The following ABCA3 variants were observed in gnomAD, a reference collection of about 807,000 sequenced individuals.
ABCA3 encodes the protein ATP binding cassette subfamily A member 3, also known as phospholipid-transporting ATPase ABCA3.
In ABCA3, 88 loss-of-function variants were observed where a neutral mutation model predicts 172.8. That is an observed-to-expected ratio of 0.51 (90% confidence interval 0.43 to 0.61). ABCA3 has a LOEUF of 0.61. Among genes scored for constraint, ABCA3 ranks in the 20% least tolerant of loss-of-function variants. ABCA3 has a pLI of 0.00. For synonymous variants in ABCA3, 1,066 were observed against 983.8 expected (o/e 1.08, Z -1.56); for missense variants, 2,164 against 2,301.0 (o/e 0.94, Z 1.22).
intron 11 of ABCA3, 71 bp from the exon 12 acceptor site, chr16:2,304,221 T>C: frequency 1.3e-6 from 2 of 1,544,096 alleles, no homozygotes; most frequent in Admixed American, 3.3e-5. Context: ...AAGCCCCTGA[T>C]GGCACACGTG....
At chr16:2,276,836 G>C in intron 32 of ABCA3, 31 bp from the exon 33 acceptor site, 1 of 1,612,964 alleles carries the variant, frequency 6.2e-7, no homozygotes. Context: ...ACTGGTAGGA[G>C]AGAACAGGGC....
chr16:2,293,468 C>G (rs914986879), intron 18 of ABCA3, among the ~76,000 whole-genome samples: 102 of 147,134 alleles, frequency 6.9e-4, no homozygotes, highest in Admixed American at 1.2e-3. Context: ...ACCTCCCGGG[C>G]TCAAGCAATC....
intron 11 of ABCA3, among the ~76,000 whole-genome samples, chr16:2,305,264 G>C (rs2093695806): frequency 6.6e-6 from 1 of 152,118 alleles, no homozygotes; most frequent in Admixed American, 6.6e-5. Flanking sequence ...CTTCGGAGTA[G>C]CTGGGATTAC....
At chr16:2,302,215 C>T (rs1475631210) in intron 12 of ABCA3, among the ~76,000 whole-genome samples, 2 of 152,218 alleles carry the variant, frequency 1.3e-5, no homozygotes, top group Non-Finnish European at 2.9e-5. Context: ...TGATTTCCCA[C>T]TTCGCACCTC....
intron 18 of ABCA3, among the ~76,000 whole-genome samples, chr16:2,293,367 CTTTTTTTTT>C (rs71148126): frequency 9.7e-6 from 1 of 103,428 alleles, no homozygotes; most frequent in Non-Finnish European, 1.9e-5. Flanking sequence ...GCCAAAATGC[CTTTTTTTTT>C]TTTTTTTTTT....
Position 2,286,458 on chromosome 16 carries a change from G to A in ABCA3, c.3278+236C>T, listed in dbSNP as rs1456384004. ...GGAGGAGAAGGCAGGGCTGCCTGCCGAGCCTTCATGGGTCCCCGTGAGGAC... is the reference window on the plus strand; with the variant it reads ...GGAGGAGAAGGCAGGGCTGCCTGCCAAGCCTTCATGGGTCCCCGTGAGGAC... On this transcript the variant is annotated intron_variant, in intron 22 of 32. Transcript: ENST00000301732. The surrounding 1 kb of genome is among the most constrained non-coding windows in gnomAD (Gnocchi z 5.2). Among the ~76,000 whole-genome samples the A allele has an allele frequency of 5.9e-5, 9 of 152,186 alleles. No individual in the cohort carries two copies. The highest frequency in any genetic ancestry group is 1.4e-4 in the African/African-American group (6 of 41,432).
intron 1 of ABCA3, chr16:2,332,794 T>A: frequency 1.5e-6 from 1 of 683,394 alleles, no homozygotes; most frequent in South Asian, 1.8e-5. Context: ...GGCTTGAATT[T>A]GCCACCCAAT....
Position 2,284,211 on chromosome 16 carries a change from G to A in ABCA3, c.3862+68C>T. 1 of 1,544,756 alleles carries A rather than the reference G, an allele frequency of 6.5e-7. No homozygotes were observed. The highest frequency in any genetic ancestry group is 8.8e-7 in the Non-Finnish European group (1 of 1,140,900). ...CGCAGAGGAGCCCCTGCCCTAGGAGGCCCCTCTGCAGTGACCACGTCCTGA... is the reference window on the plus strand; with the variant it reads ...CGCAGAGGAGCCCCTGCCCTAGGAGACCCCTCTGCAGTGACCACGTCCTGA... On this transcript the variant is annotated intron_variant, in intron 25 of 32. Transcript: ENST00000301732. This position sits in a 1 kb window ranked among gnomAD's most constrained non-coding sequence, Gnocchi z 5.9.
intron 1 of ABCA3, among the ~76,000 whole-genome samples, chr16:2,337,290 T>C (rs1567358921): frequency 6.6e-6 from 1 of 152,072 alleles, no homozygotes; most frequent in Admixed American, 6.6e-5. Context: ...TAATTGTAAT[T>C]TATAACACAT....
At position 2,295,860 on chromosome 16, in the gene ABCA3, G is replaced by A; in HGVS notation, c.2264-120C>T. Reference sequence around the variant, plus strand: ...GTGGGAAGGAGGCTAGAGAACCGGAGGTGGGCAGCTGAAGCAGAATGAATG... The same window carrying A: ...GTGGGAAGGAGGCTAGAGAACCGGAAGTGGGCAGCTGAAGCAGAATGAATG... On this transcript the variant is annotated intron_variant, in intron 17 of 32. Coordinates refer to ENST00000301732, the MANE Select transcript of ABCA3 (RefSeq NM_001089.3). The A allele has an allele frequency of 5.1e-6, 7 of 1,369,062 alleles. 1 individual carries two copies. Among genetic ancestry groups the A allele is most frequent in the Non-Finnish European group, 7.1e-6 (7 of 979,700 alleles). 84.8% of individuals were successfully genotyped at this position (1,369,062 alleles called of 1,614,324 possible). A position where few individuals can be genotyped will look rare whatever the true frequency, so the allele number is the denominator to read the frequency against.
In ABCA3 at chr16:2,281,337, T is replaced by C. The variant is rs1033438639; in HGVS notation, c.4164+44A>G. 3 of 1,613,206 alleles carry C rather than the reference T, an allele frequency of 1.9e-6. No homozygotes were observed. The South Asian group carries it at 3.3e-5, about 18-fold the overall frequency. The stretch of plus-strand genomic sequence containing the variant: ...GGGTCGGACCCTGGGGACAGCCAGG[T>C]AGTCAGCTGGCAGGAAGGACTCCAC... On this transcript the variant is annotated intron_variant, in intron 27 of 32. Transcript: ENST00000301732. This position sits in a 1 kb window ranked among gnomAD's most constrained non-coding sequence, Gnocchi z 4.7.
rs991813281 is a variant in ABCA3 at position 2,284,108 on chromosome 16, C to T, written c.3862+171G>A. ...GGAGCTCAGGTACAGGGCCTGGGAG[C>T]GAGCGGGCGCGAGGGGGCTGCTGTG... is the stretch of plus-strand genomic sequence containing the variant. On this transcript the variant is annotated intron_variant, in intron 25 of 32. Transcript: ENST00000301732. This position sits in a 1 kb window ranked among gnomAD's most constrained non-coding sequence, Gnocchi z 5.9. 4.0e-4 allele frequency: 300 copies of T among 754,446 alleles called. No individual in the cohort carries two copies. Among genetic ancestry groups the T allele is most frequent in the Non-Finnish European group, 5.1e-4 (248 of 483,068 alleles). 46.7% of individuals were successfully genotyped at this position (754,446 alleles called of 1,614,324 possible).
chr16:2,336,222 G>A (rs1218125484), intron 1 of ABCA3, among the ~76,000 whole-genome samples: 1 of 152,012 alleles, frequency 6.6e-6, no homozygotes, highest in Admixed American at 6.6e-5. Flanking sequence ...ATTTACACCC[G>A]CACACCAAAA....
At chr16:2,314,065 CG>C (rs1263197420) in intron 10 of ABCA3, among the ~76,000 whole-genome samples, 1 of 152,174 alleles carries the variant, frequency 6.6e-6, no homozygotes, top group East Asian at 1.9e-4. Flanking sequence ...GCAGACACTG[CG>C]GGAAAGACAG....
chr16:2,299,626 G>A (rs2093685801), intron 13 of ABCA3, 94 bp from the exon 14 acceptor site: 1 of 1,581,498 alleles, frequency 6.3e-7, no homozygotes, highest in Non-Finnish European at 8.6e-7. Context: ...GTCTCAGAAG[G>A]AACCAAGCCT....
At position 2,284,169 on chromosome 16, in the gene ABCA3, G is replaced by T; in HGVS notation, c.3862+110C>A. 7.3e-7 allele frequency: 1 copy of T among 1,375,410 alleles called. No homozygotes were observed. 85.2% of individuals were successfully genotyped at this position (1,375,410 alleles called of 1,614,324 possible). A position where few individuals can be genotyped will look rare whatever the true frequency, so the allele number is the denominator to read the frequency against. Reference sequence around the variant, plus strand: ...CAAGGCGGTACAGAGGAACGCACCAGCCCCAGGCCACTCAGACGCAGAGGA... The same window carrying T: ...CAAGGCGGTACAGAGGAACGCACCATCCCCAGGCCACTCAGACGCAGAGGA... On this transcript the variant is annotated intron_variant, in intron 25 of 32. Coordinates refer to ENST00000301732, the MANE Select transcript of ABCA3 (RefSeq NM_001089.3). This position sits in a 1 kb window ranked among gnomAD's most constrained non-coding sequence, Gnocchi z 5.9.
intron 6 of ABCA3, among the ~76,000 whole-genome samples, chr16:2,324,095 T>C (rs978204852): frequency 6.6e-6 from 1 of 152,208 alleles, no homozygotes; most frequent in Non-Finnish European, 1.5e-5. Context: ...TCCTTAACTA[T>C]CTTATTAGAC....
chr16:2,295,627 C>G lies in ABCA3; in HGVS notation c.2377G>C (p.Glu793Gln), dbSNP rs760598605. Residue 793 changes from glutamate (E) to glutamine (Q), a missense_variant, in exon 18 of 33, where the codon GAG (glutamate) becomes CAG (glutamine). By Grantham distance (29) the Glu-to-Gln change is conservative (BLOSUM62 2). Coordinates refer to ENST00000301732, the MANE Select transcript of ABCA3 (RefSeq NM_001089.3). ...TCTCTGGGAAGGATGAAAGACAGCTCGGCCCCAGCGCTGCTCTCCAGCGTG... is the reference window on the plus strand; with the variant it reads ...TCTCTGGGAAGGATGAAAGACAGCTGGGCCCCAGCGCTGCTCTCCAGCGTG... ...NATLESSAGA[E>Q]LSFILPREST... is the part of the protein sequence containing the mutation. The G allele has an allele frequency of 3.1e-6, 5 of 1,613,838 alleles. No individual in the cohort carries two copies. The Admixed American group carries it at 5.0e-5, about 16-fold the overall frequency.
chr16:2,294,159 AG>A (rs761871137), intron 18 of ABCA3, among the ~76,000 whole-genome samples: 41 of 149,862 alleles, frequency 2.7e-4, no homozygotes, highest in Non-Finnish European at 5.2e-4. Context: ...CTGGGATTAC[AG>A]GCACCCACCA....
Sources: allele counts gnomAD v4.1 joint callset (sites outside exome capture counted in the v4.1 genomes callset), GRCh38; gene constraint gnomAD v4.1.1; non-coding constraint Gnocchi (gnomAD v3.1); transcripts MANE v1.5; gene names NCBI Gene and HGNC (gene_info 2026-07-23, HGNC 2026-07-21).